The following CACHD1 variants were observed in gnomAD, a reference collection of about 807,000 sequenced individuals.
CACHD1 encodes VWFA and cache domain-containing protein 1.
CACHD1 carries 71 observed loss-of-function variants against 138.7 expected under a neutral mutation model. The observed-to-expected ratio is 0.51, with a 90% confidence interval of 0.42 to 0.62. The LOEUF (loss-of-function observed/expected upper bound fraction) is 0.62. CACHD1 is among the 20% of genes least tolerant of loss of function. CACHD1 has a pLI of 0.00. For synonymous variants in CACHD1, 578 were observed against 591.5 expected, an observed-to-expected ratio of 0.98 and a Z score of 0.33; for missense variants, 1,389 against 1,625.3, an observed-to-expected ratio of 0.85 and a Z score of 2.50.
At chr1:64,536,777 T>C (rs758217350) in intron 1 of CACHD1, among the ~76,000 whole-genome samples, 1 of 152,174 alleles carries the variant, frequency 6.6e-6, no homozygotes, top group Non-Finnish European at 1.5e-5. Context: ...CCACAACAGT[T>C]TTAATACCAG....
chr1:64,687,404 T>C (rs1311881202), intron 26 of CACHD1, among the ~76,000 whole-genome samples: 2 of 152,082 alleles, frequency 1.3e-5, no homozygotes, highest in Non-Finnish European at 2.9e-5. Context: ...TACAGAGGAG[T>C]TGAGCAATGG....
chr1:64,669,927 A>G (rs1048401000), intron 16 of CACHD1, among the ~76,000 whole-genome samples: 4 of 152,238 alleles, frequency 2.6e-5, no homozygotes, highest in African/African-American at 9.6e-5. Flanking sequence ...GGGTTGTAGA[A>G]AGAGCCAGGT....
intron 2 of CACHD1, among the ~76,000 whole-genome samples, chr1:64,560,660 G>T (rs768794193): frequency 2.6e-5 from 4 of 151,988 alleles, no homozygotes; most frequent in Non-Finnish European, 4.4e-5. Flanking sequence ...AACTTGTAAA[G>T]AACATGTGTT....
chr1:64,517,859 G>A (rs1646470258), intron 1 of CACHD1, among the ~76,000 whole-genome samples: 1 of 152,124 alleles, frequency 6.6e-6, no homozygotes, highest in Admixed American at 6.5e-5. Context: ...CCACCCCAGG[G>A]TAGCTGCCCT....
At chr1:64,628,413 T>G (rs1648187922) in intron 4 of CACHD1, among the ~76,000 whole-genome samples, 1 of 152,288 alleles carries the variant, frequency 6.6e-6, no homozygotes, top group East Asian at 1.9e-4. Context: ...CAGCACATAG[T>G]AAGTGTGTAA....
chr1:64,507,746 T>C (rs1646388644), intron 1 of CACHD1, among the ~76,000 whole-genome samples: 1 of 152,220 alleles, frequency 6.6e-6, no homozygotes, highest in African/African-American at 2.4e-5. Context: ...CTTTTTGATT[T>C]GTCAAAAATG....
intron 1 of CACHD1, among the ~76,000 whole-genome samples, chr1:64,523,752 A>G (rs186451881): frequency 5.9e-5 from 9 of 152,368 alleles, no homozygotes; most frequent in Admixed American, 4.6e-4. Context: ...TATAAAATGT[A>G]TAAAGCTGAT....
Position 64,470,937 on chromosome 1 carries a change from A to C in CACHD1, c.193A>C (p.Met65Leu). The C allele has an allele frequency of 6.2e-7, 1 of 1,602,202 alleles. No individual in the cohort carries two copies. The highest frequency in any genetic ancestry group is 8.5e-7 in the Non-Finnish European group (1 of 1,173,864). ...LAAEELGVVT[M>L]QRIFNSFVYT... ...GGCCGAGGAGCTGGGGGTCGTCACC[A>C]TGCAGGTAAGTGGCCCCCGAGCTGG... Residue 65 changes from methionine to leucine, a missense_variant, in exon 1 of 27, where the codon ATG becomes CTG. Physicochemically the swap from Met to Leu is conservative, Grantham distance 15 (BLOSUM62 2). Around this residue, in one of 5 missense-constraint regions of CACHD1, gnomAD observed 1,000 missense variants for 1,114.7 expected, o/e 0.90. Transcript: ENST00000651257. This position sits in a 1 kb window ranked among gnomAD's most constrained non-coding sequence, Gnocchi z 5.2.
chr1:64,663,550 GAAAAAAA>G (rs11289872), intron 13 of CACHD1, 138 bp from the exon 14 acceptor site: 7 of 797,572 alleles, frequency 8.8e-6, no homozygotes, highest in South Asian at 3.7e-5. Context: ...GACTCCATCT[GAAAAAAA>G]AAAAAAAAGA....
chr1:64,585,357 G>A (rs1297865190), intron 3 of CACHD1, among the ~76,000 whole-genome samples: 1 of 152,160 alleles, frequency 6.6e-6, no homozygotes, highest in Non-Finnish European at 1.5e-5. Flanking sequence ...AAAACCCAGT[G>A]GTCAACCTTT....
At chr1:64,538,375 A>T (rs1646651442) in intron 1 of CACHD1, among the ~76,000 whole-genome samples, 1 of 152,220 alleles carries the variant, frequency 6.6e-6, no homozygotes, top group Non-Finnish European at 1.5e-5. Context: ...AATTATTTTT[A>T]AACAATTTAA....
intron 1 of CACHD1, among the ~76,000 whole-genome samples, chr1:64,490,344 G>C (rs1646268139): frequency 6.7e-6 from 1 of 149,666 alleles, no homozygotes; most frequent in South Asian, 2.2e-4. Context: ...TTGGCTACAG[G>C]GTTTTCGTTA....
Position 64,653,859 on chromosome 1 carries a change from T to A in CACHD1, c.1642T>A (p.Leu548Ile), listed in dbSNP as rs745948856. 18 of 1,613,248 alleles carry A rather than the reference T, an allele frequency of 1.1e-5. No individual in the cohort carries two copies. The highest frequency in any genetic ancestry group is 1.4e-5 in the Non-Finnish European group (17 of 1,179,594). ...TTATGAAAATATTCCAAAATTTGAATTAGTTCGGCAAAATATCCTAAGGTA... is the reference window on the plus strand; with the variant it reads ...TTATGAAAATATTCCAAAATTTGAAATAGTTCGGCAAAATATCCTAAGGTA... ...IHYENIPKFE[L>I]VRQNILSLPL... is the part of the protein sequence containing the mutation. The change falls in exon 11 of 27, where the codon TTA becomes ATA. Residue 548 changes from leucine (L) to isoleucine (I), a missense_variant. Coordinates refer to ENST00000651257, the MANE Select transcript of CACHD1 (RefSeq NM_020925.4).
intron 3 of CACHD1, among the ~76,000 whole-genome samples, chr1:64,590,877 T>C (rs1267060139): frequency 6.6e-6 from 1 of 152,208 alleles, no homozygotes; most frequent in African/African-American, 2.4e-5. Context: ...ACTCTGCCAC[T>C]TTGCCATGTA....
At chr1:64,658,148 T>A (rs1410174205) in intron 12 of CACHD1, among the ~76,000 whole-genome samples, 3 of 152,090 alleles carry the variant, frequency 2.0e-5, no homozygotes, top group Non-Finnish European at 4.4e-5. Flanking sequence ...TTTTCATGAG[T>A]TTAAGTAGTG....
intron 1 of CACHD1, among the ~76,000 whole-genome samples, chr1:64,527,793 T>G (rs1646552509): frequency 2.0e-5 from 3 of 152,228 alleles, no homozygotes; most frequent in Admixed American, 1.3e-4. Flanking sequence ...TTGATCTGAT[T>G]GCCAGTACTG....
intron 1 of CACHD1, among the ~76,000 whole-genome samples, chr1:64,524,762 A>G (rs1381720015): frequency 6.6e-6 from 1 of 152,164 alleles, no homozygotes; most frequent in Non-Finnish European, 1.5e-5. Context: ...TACAAAAATA[A>G]CTCTGGAAGC....
intron 4 of CACHD1, among the ~76,000 whole-genome samples, chr1:64,607,702 G>C (rs1647384098): frequency 6.6e-6 from 1 of 152,182 alleles, no homozygotes; most frequent in African/African-American, 2.4e-5. Flanking sequence ...TAGAAGCACA[G>C]AGCATTCATT....
At chr1:64,643,673 A>G (rs992862435) in intron 8 of CACHD1, among the ~76,000 whole-genome samples, 1 of 152,134 alleles carries the variant, frequency 6.6e-6, no homozygotes, top group African/African-American at 2.4e-5. Flanking sequence ...CATCTCTGCT[A>G]AAAATACAAA....
Sources: allele counts gnomAD v4.1 joint callset (sites outside exome capture counted in the v4.1 genomes callset), GRCh38; gene constraint gnomAD v4.1.1; regional missense constraint gnomAD v4.1.1; non-coding constraint Gnocchi (gnomAD v3.1); transcripts MANE v1.5; gene names NCBI Gene and HGNC (gene_info 2026-07-23, HGNC 2026-07-21).